Variants in ZSCAN25 observed in about 807,000 individuals in gnomAD.
The protein encoded by ZSCAN25 is zinc finger and SCAN domain containing 25.
ZSCAN25 carries 27 observed loss-of-function variants against 38.7 expected under a neutral mutation model. The observed-to-expected ratio is 0.70, with a 90% confidence interval of 0.51 to 0.96. The LOEUF (loss-of-function observed/expected upper bound fraction) is 0.96. Ranked by LOEUF, ZSCAN25 falls within the 40% of genes least tolerant of loss-of-function variation. ZSCAN25 has a pLI of 0.00. For missense variants in ZSCAN25, 637 were observed against 705.9 expected (o/e 0.90, Z 1.11); for synonymous variants, 273 against 277.7 (o/e 0.98, Z 0.17).
chr7:99,667,106 G>A, the ZSCAN25 span: 1 of 1,566,502 alleles, frequency 6.4e-7, no homozygotes, highest in African/African-American at 1.4e-5. Flanking sequence ...ATTAGTTGTG[G>A]TGATCTTCAT....
chr7:99,623,533 A>T (rs925441323), intron 6 of ZSCAN25, among the ~76,000 whole-genome samples: 1 of 152,224 alleles, frequency 6.6e-6, no homozygotes, highest in African/African-American at 2.4e-5. Flanking sequence ...AGAAAAAAGA[A>T]GGGGATCAAG....
At chr7:99,666,090 T>C in the ZSCAN25 span, among the ~76,000 whole-genome samples, 1 of 152,190 alleles carries the variant, frequency 6.6e-6, no homozygotes, top group Non-Finnish European at 1.5e-5. Flanking sequence ...ACACATAGCA[T>C]TTCTAGCACC....
chr7:99,656,580 A>T, the ZSCAN25 span, among the ~76,000 whole-genome samples: 1 of 152,140 alleles, frequency 6.6e-6, no homozygotes, highest in African/African-American at 2.4e-5. Context: ...TGGTATCAGG[A>T]TGATGCTGGC....
At chr7:99,622,714 G>GGGGAA in intron 6 of ZSCAN25, 74 bp downstream of exon 6, 3 of 1,407,642 alleles carry the variant, frequency 2.1e-6, no homozygotes, top group Non-Finnish European at 3.0e-6. Flanking sequence ...AGGTTTCTCT[G>GGGGAA]CACAACAGTG....
At chr7:99,722,442 T>C in the ZSCAN25 span, 14 of 1,482,980 alleles carry the variant, frequency 9.4e-6, no homozygotes, top group Non-Finnish European at 9.3e-7. Flanking sequence ...TCCAATGAAA[T>C]TAGACTTGCT....
the ZSCAN25 span, among the ~76,000 whole-genome samples, chr7:99,641,461 G>A: frequency 6.6e-6 from 1 of 152,044 alleles, no homozygotes; most frequent in Non-Finnish European, 1.5e-5. Context: ...TTTGGGTGGG[G>A]ACACAGCCAA....
chr7:99,712,424 T>C, the ZSCAN25 span, among the ~76,000 whole-genome samples: 3 of 152,236 alleles, frequency 2.0e-5, no homozygotes, highest in Admixed American at 6.5e-5. Flanking sequence ...CATGTGGCTA[T>C]TTAAAATCAA....
At chr7:99,624,653 G>A (rs969136974) in intron 7 of ZSCAN25, among the ~76,000 whole-genome samples, 2 of 152,326 alleles carry the variant, frequency 1.3e-5, no homozygotes, top group South Asian at 4.1e-4. Context: ...AGGGGGCTTC[G>A]CGATGGGAGA....
the ZSCAN25 span, among the ~76,000 whole-genome samples, chr7:99,712,036 T>C: frequency 6.6e-6 from 1 of 152,160 alleles, no homozygotes; most frequent in Non-Finnish European, 1.5e-5. Flanking sequence ...GTCTGATGAA[T>C]GGCATTAAAA....
chr7:99,672,796 G>C, the ZSCAN25 span: 1 of 1,540,100 alleles, frequency 6.5e-7, no homozygotes, highest in African/African-American at 1.4e-5. Context: ...CTAGTTGTAC[G>C]ACACACAGCA....
chr7:99,624,309 C>A, intron 7 of ZSCAN25, 129 bp downstream of exon 7: 4 of 1,167,102 alleles, frequency 3.4e-6, no homozygotes, highest in South Asian at 1.3e-5. Context: ...ATGGGTCCAG[C>A]ACGGACCATG....
At chr7:99,648,265 C>A in the ZSCAN25 span, 3 of 1,598,192 alleles carry the variant, frequency 1.9e-6, no homozygotes, top group Non-Finnish European at 2.6e-6. Context: ...TTCTGGGGCA[C>A]AGCTTTCTTG....
At chr7:99,683,704 C>T in the ZSCAN25 span, among the ~76,000 whole-genome samples, 5 of 152,254 alleles carry the variant, frequency 3.3e-5, no homozygotes, top group Admixed American at 1.3e-4. Flanking sequence ...GGCCACCCCT[C>T]TGTGTCGACA....
At chr7:99,677,925 C>T in the ZSCAN25 span, among the ~76,000 whole-genome samples, 10 of 152,230 alleles carry the variant, frequency 6.6e-5, no homozygotes, top group Non-Finnish European at 1.2e-4. Context: ...TGTCTAGATT[C>T]ACATGGTACC....
intron 6 of ZSCAN25, 80 bp from the exon 7 acceptor site, chr7:99,623,977 G>A: frequency 6.3e-7 from 1 of 1,593,698 alleles, no homozygotes; most frequent in Non-Finnish European, 8.6e-7. Context: ...CTGGTTGGGA[G>A]GAAGTTGGAT....
At chr7:99,647,225 T>C in the ZSCAN25 span, among the ~76,000 whole-genome samples, 1 of 152,198 alleles carries the variant, frequency 6.6e-6, no homozygotes. Context: ...TCTGATTGCT[T>C]GGGCTCCCGC....
the ZSCAN25 span, chr7:99,679,697 T>C: frequency 1.2e-6 from 1 of 808,072 alleles, no homozygotes; most frequent in African/African-American, 1.7e-5. Flanking sequence ...TATGCGTTTG[T>C]AGCGTCCAAC....
chr7:99,652,530 T>C, the ZSCAN25 span: 4 of 1,558,128 alleles, frequency 2.6e-6, no homozygotes, highest in Admixed American at 1.8e-5. Context: ...CAGGGTGAGC[T>C]CCATTTCCCT....
the ZSCAN25 span, chr7:99,717,177 T>C: frequency 6.2e-7 from 1 of 1,613,836 alleles, no homozygotes; most frequent in Non-Finnish European, 8.5e-7. Flanking sequence ...TCCTACTTAC[T>C]GTTTCAAGGT....
Sources: gnomAD v4.1 joint callset for allele counts (sites outside exome capture counted in the v4.1 genomes callset) on GRCh38, gnomAD v4.1.1 for gene constraint, MANE v1.5 for transcripts, NCBI Gene and HGNC (gene_info 2026-07-23, HGNC 2026-07-21) for gene names.